TENM2: variants seen among roughly 807,000 people sequenced by gnomAD.
TENM2 encodes the protein teneurin-2.
Under a neutral mutation model 245.2 loss-of-function variants are expected in TENM2, and 52 were observed. The observed-to-expected ratio is 0.21, with a 90% confidence interval of 0.17 to 0.27. The LOEUF is 0.27. Among genes scored for constraint, TENM2 ranks in the 10% least tolerant of loss-of-function variants. The pLI is 1.00. For synonymous variants in TENM2, 1,363 were observed against 1,438.9 expected (o/e 0.95, Z 1.19); for missense variants, 3,046 against 3,666.8 (o/e 0.83, Z 4.37).
At chr5:168,180,788 G>C (rs1478376912) in intron 13 of TENM2, among the ~76,000 whole-genome samples, 1 of 152,120 alleles carries the variant, frequency 6.6e-6, no homozygotes, top group African/African-American at 2.4e-5. Context: ...TGTAATGCCA[G>C]CTACTCAGGA....
intron 2 of TENM2, among the ~76,000 whole-genome samples, chr5:167,523,594 C>A (rs1770913803): frequency 6.6e-6 from 1 of 152,062 alleles, no homozygotes; most frequent in South Asian, 2.1e-4. Context: ...AAAGAGTCTA[C>A]TCATGACAAA....
intron 8 of TENM2, 53 bp from the exon 11 acceptor site, chr5:168,097,973 A>G: frequency 2.2e-6 from 3 of 1,374,026 alleles, no homozygotes; most frequent in Non-Finnish European, 3.1e-6. Flanking sequence ...CGGTTAAATT[A>G]CTGCACCAGT....
intron 2 of TENM2, among the ~76,000 whole-genome samples, chr5:167,585,657 C>T (rs1775435633): frequency 6.6e-6 from 1 of 151,996 alleles, no homozygotes; most frequent in East Asian, 1.9e-4. Flanking sequence ...TTCTATGTTA[C>T]ACAAAGACAT....
chr5:167,058,117 A>C, the TENM2 span, among the ~76,000 whole-genome samples: 1 of 152,106 alleles, frequency 6.6e-6, no homozygotes, highest in Non-Finnish European at 1.5e-5. Flanking sequence ...TGACATATCT[A>C]AGAAGAGTTG....
intron 2 of TENM2, among the ~76,000 whole-genome samples, chr5:167,567,747 CA>C (rs1429174567): frequency 6.6e-6 from 1 of 152,132 alleles, no homozygotes. Flanking sequence ...CATACAACCC[CA>C]GGGGTAAAAA....
intron 12 of TENM2, among the ~76,000 whole-genome samples, chr5:168,131,204 A>G (rs145612108): frequency 1.3e-5 from 2 of 152,306 alleles, no homozygotes; most frequent in African/African-American, 4.8e-5. Flanking sequence ...GAATAATACA[A>G]ACTAACCCGC....
the TENM2 span, among the ~76,000 whole-genome samples, chr5:167,267,158 G>T: frequency 6.6e-6 from 1 of 152,104 alleles, no homozygotes. Context: ...ATTTGATTCT[G>T]GTCTGTGCCC....
chr5:167,817,723 T>C (rs1157099697), intron 2 of TENM2, among the ~76,000 whole-genome samples: 1 of 152,220 alleles, frequency 6.6e-6, no homozygotes, highest in Non-Finnish European at 1.5e-5. Context: ...TGGATTGAAC[T>C]GAAACCAATT....
rs1395327794 is a variant in TENM2 at position 168,124,746 on chromosome 5, T to G, written c.2009-104T>G. 9 of 1,069,796 alleles carry G rather than the reference T, an allele frequency of 8.4e-6. No individual in the cohort carries two copies. The African/African-American group carries it at 1.3e-4, about 15-fold the overall frequency. 66.3% of individuals were successfully genotyped at this position (1,069,796 alleles called of 1,614,324 possible). A position where few individuals can be genotyped will look rare whatever the true frequency, so the allele number is the denominator to read the frequency against. On this transcript the variant is annotated intron_variant, in intron 10 of 28. Coordinates refer to ENST00000518659, the Ensembl canonical transcript of TENM2. ...CATTTGCTAGCAAGTGGATGGGAAC[T>G]GGTGACCCACTGGTCCATTCAGCAG...
At chr5:167,787,715 TG>T (rs1764680972) in intron 2 of TENM2, among the ~76,000 whole-genome samples, 1 of 152,172 alleles carries the variant, frequency 6.6e-6, no homozygotes. Context: ...TACCATGCTT[TG>T]TTTGGCCATG....
chr5:167,372,500 C>G (rs1454189637), intron 1 of TENM2, among the ~76,000 whole-genome samples: 2 of 152,212 alleles, frequency 1.3e-5, no homozygotes, highest in African/African-American at 2.4e-5. Flanking sequence ...GCCTCCTGTC[C>G]TCATACAACT....
chr5:168,103,114 G>A (rs927219117), intron 9 of TENM2, among the ~76,000 whole-genome samples: 6 of 146,510 alleles, frequency 4.1e-5, no homozygotes, highest in African/African-American at 1.5e-4. Flanking sequence ...TCCCACCTAT[G>A]AGCGAGAACA....
intron 7 of TENM2, among the ~76,000 whole-genome samples, chr5:168,072,102 A>C (rs1300736737): frequency 6.6e-6 from 1 of 152,200 alleles, no homozygotes; most frequent in Non-Finnish European, 1.5e-5. Context: ...GCCAGCCCAC[A>C]TTGGGCCCTC....
intron 3 of TENM2, among the ~76,000 whole-genome samples, chr5:167,927,115 A>G (rs1413619552): frequency 2.6e-5 from 4 of 151,984 alleles, no homozygotes; most frequent in African/African-American, 9.7e-5. Context: ...TGCACATACA[A>G]GTCTTATGGG....
intron 2 of TENM2, among the ~76,000 whole-genome samples, chr5:167,852,228 TTG>T: frequency 6.6e-6 from 1 of 152,250 alleles, no homozygotes; most frequent in Admixed American, 6.5e-5. Context: ...AAAAGCACAA[TTG>T]AACTTAATAT....
intron 1 of TENM2, among the ~76,000 whole-genome samples, chr5:167,307,104 C>T (rs1396465581): frequency 1.3e-5 from 2 of 152,138 alleles, no homozygotes; most frequent in South Asian, 2.1e-4. Flanking sequence ...AAATCAAATC[C>T]GTGTGTTGAG....
chr5:167,886,071 G>A (rs930276800), intron 3 of TENM2, among the ~76,000 whole-genome samples: 2 of 152,164 alleles, frequency 1.3e-5, no homozygotes, highest in African/African-American at 4.8e-5. Flanking sequence ...AATCAACTGT[G>A]TTTGGCCACA....
chr5:167,956,433 C>T (rs114796281), intron 4 of TENM2, among the ~76,000 whole-genome samples: 4,523 of 152,118 alleles, frequency 0.03, 228 homozygotes, highest in African/African-American at 0.1. Context: ...ACAATTTGAC[C>T]TCCTGTCTTC....
intron 2 of TENM2, among the ~76,000 whole-genome samples, chr5:167,835,495 C>T (rs1768906519): frequency 6.6e-6 from 1 of 152,190 alleles, no homozygotes. Context: ...CCCTCTGCCC[C>T]TCCTCTGCCT....
Sources: gnomAD v4.1 joint callset for allele counts (sites outside exome capture counted in the v4.1 genomes callset) on GRCh38, gnomAD v4.1.1 for gene constraint, MANE v1.5 for transcripts, NCBI Gene and HGNC (gene_info 2026-07-23, HGNC 2026-07-21) for gene names.